Variants in CLASP2 observed in about 807,000 individuals in gnomAD.
CLASP2 encodes cytoplasmic linker associated protein 2.
In CLASP2, 47 loss-of-function variants were observed where a neutral mutation model predicts 194.4. The ratio of observed to expected loss-of-function variants is 0.24; its 90% CI spans 0.19 to 0.31. CLASP2 has a LOEUF of 0.31. Among genes scored for constraint, CLASP2 ranks in the 10% least tolerant of loss-of-function variants. CLASP2 has a pLI of 1.00. For missense variants in CLASP2, 1,445 were observed against 1,823.6 expected, an observed-to-expected ratio of 0.79 and a Z score of 3.78; for synonymous variants, 619 against 633.5, an observed-to-expected ratio of 0.98 and a Z score of 0.34.
At chr3:33,684,249 AAAATAAATAAAT>A in intron 6 of CLASP2, 98 bp downstream of exon 6, 1 of 585,662 alleles carries the variant, frequency 1.7e-6, no homozygotes, top group Non-Finnish European at 2.8e-6. Flanking sequence ...CCATCTCAAA[AAAATAAATAAAT>A]AAATAAATAA....
intron 23 of CLASP2, among the ~76,000 whole-genome samples, chr3:33,577,772 G>T (rs1008246313): frequency 6.6e-6 from 1 of 152,112 alleles, no homozygotes; most frequent in Non-Finnish European, 1.5e-5. Context: ...GAGCCAATTT[G>T]CCCTAATGAC....
chr3:33,568,956 T>G (rs1201757033), intron 26 of CLASP2, among the ~76,000 whole-genome samples: 3 of 152,218 alleles, frequency 2.0e-5, no homozygotes, highest in African/African-American at 7.2e-5. Context: ...GTATCCTTAA[T>G]GAATTACATT....
intron 12 of CLASP2, among the ~76,000 whole-genome samples, chr3:33,617,332 C>G (rs937084283): frequency 1.3e-5 from 2 of 151,782 alleles, no homozygotes; most frequent in African/African-American, 4.8e-5. Context: ...TACATGAAAA[C>G]AACACCATTT....
intron 1 of CLASP2, among the ~76,000 whole-genome samples, chr3:33,714,375 G>A (rs528298716): frequency 4.6e-5 from 7 of 152,266 alleles, no homozygotes; most frequent in African/African-American, 1.7e-4. Context: ...GACCCCAACT[G>A]TCTATCATCT....
At position 33,684,469 on chromosome 3, in the gene CLASP2, T is replaced by G; in HGVS notation, c.547-13A>C. The stretch of plus-strand genomic sequence containing the variant: ...CAGCATCTCTCACCTGTCAAAGAAT[T>G]CAGAACTTTTTAATAAACTTATATA... On this transcript the variant is annotated splice_polypyrimidine_tract_variant and intron_variant, in intron 5 of 38. Transcript: ENST00000682230. The G allele has an allele frequency of 9.1e-6, 14 of 1,540,274 alleles. No individual in the cohort carries two copies. The highest frequency in any genetic ancestry group is 1.4e-5 in the African/African-American group (1 of 72,410).
intron 8 of CLASP2, among the ~76,000 whole-genome samples, chr3:33,637,469 GGTT>G (rs1213755797): frequency 2.6e-5 from 4 of 152,302 alleles, no homozygotes; most frequent in African/African-American, 9.6e-5. Context: ...GGGAGGTGCA[GGTT>G]GCAGTGAGCC....
In CLASP2 at chr3:33,537,195, C is replaced by CA. The variant is rs1011973687; in HGVS notation, c.3558+1593dup. Among the ~76,000 whole-genome samples, 412 of 146,406 alleles carry CA rather than the reference C, an allele frequency of 2.8e-3. 2 individuals are homozygous for CA. The highest frequency in any genetic ancestry group is 8.2e-3 in the South Asian group (38 of 4,632). On this transcript the variant is annotated intron_variant, in intron 33 of 38. Coordinates refer to ENST00000682230, the MANE Select transcript of CLASP2 (RefSeq NM_001365631.1). The stretch of plus-strand genomic sequence containing the variant: ...CTGTACCATGCTGTGTCTAAAAAAC[C>CA]AAAAAAAAAACTGAGTCTCAATGAA...
At chr3:33,570,336 C>G (rs1052954891) in intron 26 of CLASP2, among the ~76,000 whole-genome samples, 1 of 152,070 alleles carries the variant, frequency 6.6e-6, no homozygotes, top group Non-Finnish European at 1.5e-5. Context: ...ATTATTATTT[C>G]AAAATTGAAA....
chr3:33,688,286 G>A lies in CLASP2; in HGVS notation c.461C>T (p.Thr154Ile). The change falls in exon 4 of 39, where the codon ACC becomes ATC. Residue 154 changes from threonine to isoleucine, a missense_variant. Physicochemically the swap from Thr to Ile is moderately conservative, Grantham distance 89. This residue lies in a region of CLASP2 where 332 missense variants were observed against 325.3 expected (regional missense o/e 1.02). Coordinates refer to ENST00000682230, the MANE Select transcript of CLASP2 (RefSeq NM_001365631.1). ...REGVCLCLIE[T>I]LNIFGAQPLV... is the part of the protein sequence containing the mutation. ...TAATCATAAAACTTACATGTTTAAG[G>A]TTTCAATAAGACACAGACACACGCC... The A allele has an allele frequency of 1.3e-6, 2 of 1,566,818 alleles. No homozygotes were observed. Among genetic ancestry groups the A allele is most frequent in the Non-Finnish European group, 8.6e-7 (1 of 1,157,764 alleles).
intron 30 of CLASP2, among the ~76,000 whole-genome samples, chr3:33,546,078 C>T (rs1356923099): frequency 6.6e-6 from 1 of 151,984 alleles, no homozygotes; most frequent in African/African-American, 2.4e-5. Flanking sequence ...TTTGGAACCA[C>T]CACATTGAAT....
intron 34 of CLASP2, among the ~76,000 whole-genome samples, chr3:33,531,550 T>C (rs1366998331): frequency 1.3e-5 from 2 of 151,756 alleles, no homozygotes; most frequent in Non-Finnish European, 2.9e-5. Flanking sequence ...CCGAGGAGGG[T>C]GGATCACCTG....
At chr3:33,699,381 C>T (rs950107304) in intron 1 of CLASP2, among the ~76,000 whole-genome samples, 2 of 151,630 alleles carry the variant, frequency 1.3e-5, no homozygotes, top group African/African-American at 4.9e-5. Flanking sequence ...CAGAAAACCC[C>T]CAAACAGAAA....
At chr3:33,693,936 G>T (rs1244194994) in intron 2 of CLASP2, among the ~76,000 whole-genome samples, 1 of 151,730 alleles carries the variant, frequency 6.6e-6, no homozygotes, top group African/African-American at 2.4e-5. Flanking sequence ...ACCAACAAAA[G>T]TAAGTTAATG....
chr3:33,597,200 C>T (rs7653517), intron 18 of CLASP2, among the ~76,000 whole-genome samples: 1 of 152,132 alleles, frequency 6.6e-6, no homozygotes, highest in Non-Finnish European at 1.5e-5. Context: ...GAACTTTCAG[C>T]CCCTTTAAAA....
chr3:33,715,492 C>T (rs1438412814), intron 1 of CLASP2, among the ~76,000 whole-genome samples: 1 of 152,138 alleles, frequency 6.6e-6, no homozygotes, highest in Admixed American at 6.6e-5. Context: ...GAATCTAAGT[C>T]CACAAAGACA....
intron 22 of CLASP2, 74 bp from the exon 23 acceptor site, chr3:33,582,002 T>C: frequency 9.3e-7 from 1 of 1,080,206 alleles, no homozygotes; most frequent in Non-Finnish European, 1.4e-6. Context: ...AAAATTTTGT[T>C]TTTTTCTTTC....
At chr3:33,530,824 T>A (rs950786875) in intron 34 of CLASP2, among the ~76,000 whole-genome samples, 1 of 152,088 alleles carries the variant, frequency 6.6e-6, no homozygotes, top group Non-Finnish European at 1.5e-5. Flanking sequence ...GAAAGAAATA[T>A]AAAAGAAAAT....
chr3:33,520,330 A>G (rs1334916731), intron 34 of CLASP2, among the ~76,000 whole-genome samples: 1 of 152,238 alleles, frequency 6.6e-6, no homozygotes, highest in Non-Finnish European at 1.5e-5. Context: ...TGACATGAGA[A>G]GCTGGTAAAA....
intron 34 of CLASP2, 57 bp from the exon 35 acceptor site, chr3:33,517,231 T>C: frequency 1.5e-6 from 2 of 1,347,628 alleles, no homozygotes; most frequent in Non-Finnish European, 2.0e-6. Context: ...CTCACAAGTA[T>C]GGGGATAACA....
Sources: allele counts gnomAD v4.1 joint callset (sites outside exome capture counted in the v4.1 genomes callset), GRCh38; gene constraint gnomAD v4.1.1; regional missense constraint gnomAD v4.1.1; transcripts MANE v1.5; gene names NCBI Gene and HGNC (gene_info 2026-07-23, HGNC 2026-07-21).